PCDH7: variants seen among roughly 807,000 people sequenced by gnomAD.
PCDH7 encodes the protein protocadherin-7.
PCDH7 carries 17 observed loss-of-function variants against 58.9 expected under a neutral mutation model. The ratio of observed to expected loss-of-function variants is 0.29; its 90% confidence interval spans 0.20 to 0.43. The LOEUF (loss-of-function observed/expected upper bound fraction) is 0.43. Among genes scored for constraint, PCDH7 ranks in the 20% least tolerant of loss-of-function variants. The pLI is 1.00. For synonymous variants in PCDH7, 664 were observed against 616.4 expected (o/e 1.08, Z -1.14); for missense variants, 1,274 against 1,441.0 (o/e 0.88, Z 1.88).
intron 3 of PCDH7, among the ~76,000 whole-genome samples, chr4:31,141,496 G>T (rs1720251583): frequency 1.3e-5 from 2 of 152,154 alleles, no homozygotes; most frequent in South Asian, 4.1e-4. Context: ...CTCAAACAAA[G>T]TCTGTAAAAA....
At chr4:30,875,625 C>T (rs1736190368) in intron 1 of PCDH7, among the ~76,000 whole-genome samples, 2 of 152,126 alleles carry the variant, frequency 1.3e-5, no homozygotes, top group African/African-American at 2.4e-5. Flanking sequence ...TGCATCAGTG[C>T]ATTCTACCTA....
chr4:30,961,702 T>G (rs536411722), intron 3 of PCDH7, among the ~76,000 whole-genome samples: 70 of 152,352 alleles, frequency 4.6e-4, no homozygotes, highest in African/African-American at 1.6e-3. Context: ...GTGTTTGCTT[T>G]CTACATATGA....
chr4:31,128,515 G>A (rs1225333001), intron 3 of PCDH7, among the ~76,000 whole-genome samples: 1 of 152,102 alleles, frequency 6.6e-6, no homozygotes, highest in Non-Finnish European at 1.5e-5. Context: ...TCTATGGAAT[G>A]AGCTGTGCAT....
Position 30,811,928 on chromosome 4 carries a change from C to A in PCDH7, c.70+87332C>A, listed in dbSNP as rs145765242. On this transcript the variant is annotated intron_variant, in intron 1 of 3. Coordinates refer to the PCDH7 transcript ENST00000509759. ...AGGGTTTTTTAGCCAGAAAGGTTAA[C>A]CAAAGCCAAGATCCAGACTTGTGAA... is the stretch of plus-strand genomic sequence containing the variant. Among the ~76,000 whole-genome samples the A allele has an allele frequency of 1.6e-3, 240 of 152,154 alleles. 2 individuals carry two copies. The highest frequency in any genetic ancestry group is 5.6e-3 in the African/African-American group (231 of 41,518).
chr4:31,121,261 C>G (rs907152172), intron 3 of PCDH7, among the ~76,000 whole-genome samples: 1 of 151,986 alleles, frequency 6.6e-6, no homozygotes, highest in African/African-American at 2.4e-5. Flanking sequence ...CACTTAAGAC[C>G]AATTTTGAGG....
chr4:31,136,674 A>G (rs577304361), intron 3 of PCDH7, among the ~76,000 whole-genome samples: 1 of 152,182 alleles, frequency 6.6e-6, no homozygotes, highest in Non-Finnish European at 1.5e-5. Flanking sequence ...TTAGAGGATC[A>G]CAAACTGCTG....
intron 3 of PCDH7, among the ~76,000 whole-genome samples, chr4:31,129,194 G>T (rs1427065095): frequency 6.6e-6 from 1 of 152,130 alleles, no homozygotes; most frequent in Non-Finnish European, 1.5e-5. Context: ...TTACAGAAAA[G>T]GTCATATGAA....
chr4:30,884,946 C>A lies in PCDH7; in HGVS notation c.71-35207C>A, dbSNP rs531085335. On this transcript the variant is annotated intron_variant, in intron 1 of 3. Transcript: ENST00000509759. ...GATTTTTATGGGGGTCTGATGAAAC[C>A]CTTAAAGGGTTATTAGATCCTGTTT... is the stretch of plus-strand genomic sequence containing the variant. 6 of 152,114 alleles carry A rather than the reference C, an allele frequency of 3.9e-5. No homozygotes were observed. In the East Asian group the frequency reaches 1.2e-3, roughly 29 times the overall value. The allele number at this position is 152,114 out of a possible 1,614,324, so 9.4% of individuals were successfully genotyped here.
intron 1 of PCDH7, among the ~76,000 whole-genome samples, chr4:30,904,519 G>A (rs1297542386): frequency 3.9e-5 from 6 of 152,094 alleles, no homozygotes; most frequent in African/African-American, 1.2e-4. Context: ...TTAACAAACT[G>A]CATTTCGTCT....
chr4:30,932,219 T>G (rs1235461541), intron 2 of PCDH7, among the ~76,000 whole-genome samples: 4 of 152,200 alleles, frequency 2.6e-5, no homozygotes, highest in African/African-American at 9.6e-5. Context: ...AATTGTATAG[T>G]AAAAGGACTA....
At chr4:31,027,108 T>C (rs961790534) in intron 3 of PCDH7, among the ~76,000 whole-genome samples, 5 of 152,280 alleles carry the variant, frequency 3.3e-5, no homozygotes, top group African/African-American at 1.2e-4. Context: ...CAGCCCCAGC[T>C]TTGCTGACTA....
intron 3 of PCDH7, among the ~76,000 whole-genome samples, chr4:31,045,100 T>C (rs1453512313): frequency 6.6e-6 from 1 of 152,032 alleles, no homozygotes; most frequent in Non-Finnish European, 1.5e-5. Flanking sequence ...AATTTCAAGG[T>C]AGTTTATTAA....
intron 3 of PCDH7, among the ~76,000 whole-genome samples, chr4:31,045,458 A>G (rs1756204071): frequency 6.6e-6 from 1 of 152,022 alleles, no homozygotes; most frequent in Admixed American, 6.6e-5. Flanking sequence ...CAAATACTAA[A>G]TTAAGAGATT....
chr4:30,865,421 G>C (rs1043409592), intron 1 of PCDH7, among the ~76,000 whole-genome samples: 1 of 152,036 alleles, frequency 6.6e-6, no homozygotes. Flanking sequence ...GAAGTAGTGA[G>C]TTCCCATCCC....
At chr4:31,034,360 G>A (rs1755209433) in intron 3 of PCDH7, among the ~76,000 whole-genome samples, 1 of 152,026 alleles carries the variant, frequency 6.6e-6, no homozygotes. Flanking sequence ...AATTTTAAAA[G>A]GAAATGATTG....
intron 1 of PCDH7, among the ~76,000 whole-genome samples, chr4:30,759,155 T>G (rs78840130): frequency 0.13 from 19,294 of 152,026 alleles, 1,634 homozygotes; most frequent in East Asian, 0.29. Context: ...TTGGCCAGGC[T>G]GGTCTTGAAC....
chr4:30,849,205 T>C, intron 1 of PCDH7, among the ~76,000 whole-genome samples: 1 of 152,128 alleles, frequency 6.6e-6, no homozygotes, highest in Non-Finnish European at 1.5e-5. Flanking sequence ...TTGGTAGTCA[T>C]GGGCTTGTGT....
At chr4:31,128,023 A>G (rs1718504577) in intron 3 of PCDH7, among the ~76,000 whole-genome samples, 1 of 151,430 alleles carries the variant, frequency 6.6e-6, no homozygotes, top group Non-Finnish European at 1.5e-5. Flanking sequence ...ATGTGTATAT[A>G]TATACATATA....
chr4:30,995,091 T>A (rs1751767575), intron 3 of PCDH7, among the ~76,000 whole-genome samples: 1 of 152,246 alleles, frequency 6.6e-6, no homozygotes, highest in South Asian at 2.1e-4. Context: ...AATATCATTT[T>A]AAATTTTTTA....
Sources: allele counts gnomAD v4.1 joint callset (sites outside exome capture counted in the v4.1 genomes callset), GRCh38; gene constraint gnomAD v4.1.1; transcripts MANE v1.5; gene names NCBI Gene and HGNC (gene_info 2026-07-23, HGNC 2026-07-21).